The following SNX13 variants were observed in gnomAD, a reference collection of about 807,000 sequenced individuals.
SNX13 encodes sorting nexin 13, also known as sorting nexin-13.
Under a neutral mutation model 133.6 loss-of-function variants are expected in SNX13, and 45 were observed. That is an observed-to-expected ratio of 0.34 (90% CI 0.27 to 0.43). SNX13 has a LOEUF of 0.43. Ranked by LOEUF, SNX13 falls within the 20% of genes least tolerant of loss-of-function variation. The probability of loss-of-function intolerance (pLI) is 1.00; values close to 1 mark genes in which losing one functional copy is unlikely to be tolerated. For missense variants in SNX13, 1,032 were observed against 1,145.1 expected, an observed-to-expected ratio of 0.90 and a Z score of 1.43; for synonymous variants, 414 against 373.9, an observed-to-expected ratio of 1.11 and a Z score of -1.24.
intron 20 of SNX13, among the ~76,000 whole-genome samples, chr7:17,812,495 A>G (rs1449811530): frequency 2.0e-5 from 3 of 152,214 alleles, no homozygotes; most frequent in Non-Finnish European, 1.5e-5. Flanking sequence ...TCAGGAAACA[A>G]CAGATGCTGG....
chr7:17,830,202 A>G, intron 15 of SNX13, 155 bp from the exon 16 acceptor site: 1 of 973,036 alleles, frequency 1.0e-6, no homozygotes, highest in South Asian at 4.7e-5. Flanking sequence ...TACTCCCAAA[A>G]ACTTGATCCC....
intron 1 of SNX13, among the ~76,000 whole-genome samples, chr7:17,910,154 T>C (rs146413123): frequency 9.2e-5 from 14 of 152,326 alleles, no homozygotes; most frequent in Non-Finnish European, 2.1e-4. Context: ...TTCTTTTTGA[T>C]TATTTTCCTT....
chr7:17,843,937 T>G (rs143653697), intron 12 of SNX13, among the ~76,000 whole-genome samples: 1 of 151,918 alleles, frequency 6.6e-6, no homozygotes, highest in Non-Finnish European at 1.5e-5. Context: ...CACACCAAAC[T>G]AATGGGACAC....
At chr7:17,836,285 G>C (rs1451824640) in intron 13 of SNX13, among the ~76,000 whole-genome samples, 1 of 152,016 alleles carries the variant, frequency 6.6e-6, no homozygotes. Context: ...AGGAGGCTAA[G>C]GCAGGTGGAT....
At chr7:17,848,025 A>C (rs1472428854) in intron 11 of SNX13, among the ~76,000 whole-genome samples, 1 of 152,144 alleles carries the variant, frequency 6.6e-6, no homozygotes, top group Non-Finnish European at 1.5e-5. Flanking sequence ...GTCCTAAATG[A>C]GAATTTATAT....
At chr7:17,853,170 T>C (rs1391364675) in intron 9 of SNX13, among the ~76,000 whole-genome samples, 2 of 152,192 alleles carry the variant, frequency 1.3e-5, no homozygotes, top group Admixed American at 6.5e-5. Flanking sequence ...TAGGTTTCTT[T>C]TTTTTCATCA....
At chr7:17,890,074 G>T in intron 5 of SNX13, 1 of 223,382 alleles carries the variant, frequency 4.5e-6, no homozygotes, top group Non-Finnish European at 8.7e-6. Context: ...AGCAATAAGT[G>T]GGGTAACAGA....
At chr7:17,935,857 A>C (rs1801960622) in intron 1 of SNX13, among the ~76,000 whole-genome samples, 1 of 152,206 alleles carries the variant, frequency 6.6e-6, no homozygotes, top group Admixed American at 6.5e-5. Context: ...TAATTGAAGA[A>C]ATAGCTTATA....
At chr7:17,801,983 G>A (rs1446932922) in intron 21 of SNX13, among the ~76,000 whole-genome samples, 9 of 151,956 alleles carry the variant, frequency 5.9e-5, no homozygotes, top group Non-Finnish European at 1.2e-4. Flanking sequence ...GCATAATGAC[G>A]TTTTGTTCAA....
intron 20 of SNX13, among the ~76,000 whole-genome samples, chr7:17,812,966 G>A (rs934991376): frequency 6.6e-6 from 1 of 152,136 alleles, no homozygotes; most frequent in Non-Finnish European, 1.5e-5. Flanking sequence ...GGGCCTGTCA[G>A]GGGGTTGAGG....
At chr7:17,827,180 C>A (rs933136551) in intron 16 of SNX13, among the ~76,000 whole-genome samples, 1 of 152,028 alleles carries the variant, frequency 6.6e-6, no homozygotes, top group Admixed American at 6.6e-5. Flanking sequence ...TATAACCTTT[C>A]ATGATAAGAA....
At chr7:17,939,570 T>C (rs538004496) in intron 1 of SNX13, among the ~76,000 whole-genome samples, 9 of 152,288 alleles carry the variant, frequency 5.9e-5, no homozygotes, top group African/African-American at 1.4e-4. Flanking sequence ...AAAAGGGAAA[T>C]TGATTGGTTC....
intron 1 of SNX13, among the ~76,000 whole-genome samples, chr7:17,901,438 A>G (rs965120267): frequency 6.6e-6 from 1 of 152,136 alleles, no homozygotes; most frequent in Non-Finnish European, 1.5e-5. Context: ...AGGACCCCCG[A>G]GCACATTAGC....
chr7:17,924,543 A>T (rs1223290487), intron 1 of SNX13, among the ~76,000 whole-genome samples: 2 of 152,222 alleles, frequency 1.3e-5, no homozygotes, highest in African/African-American at 4.8e-5. Context: ...AGCCACTTTG[A>T]AAAATAGTTT....
rs191995493 is a variant in SNX13 at position 17,812,598 on chromosome 7, G to A, written c.2064+2236C>T. On this transcript the variant is annotated intron_variant, in intron 20 of 25. Coordinates refer to ENST00000428135, the MANE Select transcript of SNX13 (RefSeq NM_015132.5). ...GGAAGACAGTGTGGCAATTCCTCAC[G>A]GATCTAGAACCAGAAATACCATTTG... Among the ~76,000 whole-genome samples, 324 of 152,154 alleles carry A rather than the reference G, an allele frequency of 2.1e-3. 1 individual carries two copies. Among genetic ancestry groups the A allele is most frequent in the African/African-American group, 7.3e-3 (301 of 41,498 alleles).
At chr7:17,929,982 T>C (rs967919812) in intron 1 of SNX13, among the ~76,000 whole-genome samples, 2 of 152,080 alleles carry the variant, frequency 1.3e-5, no homozygotes, top group Non-Finnish European at 1.5e-5. Flanking sequence ...ACTACCTCAA[T>C]CAAAGAACAC....
In SNX13 at chr7:17,875,599, A is replaced by C; in HGVS notation, c.563-18T>G. 2.5e-6 allele frequency: 4 copies of C among 1,609,656 alleles called. No individual in the cohort carries two copies. Among genetic ancestry groups the C allele is most frequent in the Non-Finnish European group, 2.5e-6 (3 of 1,178,730 alleles). Reference sequence around the variant, plus strand: ...TGCTGTACCTAAAGAAAAACAATTCAAGATATATAAAATGATGAAAGGAAA... The same window carrying C: ...TGCTGTACCTAAAGAAAAACAATTCCAGATATATAAAATGATGAAAGGAAA... On this transcript the variant is annotated intron_variant, in intron 6 of 25. Transcript: ENST00000428135.
At chr7:17,841,633 A>G (rs967535996) in intron 12 of SNX13, among the ~76,000 whole-genome samples, 2 of 151,356 alleles carry the variant, frequency 1.3e-5, no homozygotes, top group Admixed American at 6.6e-5. Flanking sequence ...TGGCCCATTC[A>G]AAGAGGAAAA....
chr7:17,878,513 C>T (rs1216021957), intron 5 of SNX13, among the ~76,000 whole-genome samples: 2 of 152,112 alleles, frequency 1.3e-5, no homozygotes, highest in Non-Finnish European at 2.9e-5. Flanking sequence ...CAAAACAAAA[C>T]TATAAAGTGT....
Sources: gnomAD v4.1 joint callset for allele counts (sites outside exome capture counted in the v4.1 genomes callset) on GRCh38, gnomAD v4.1.1 for gene constraint, MANE v1.5 for transcripts, NCBI Gene and HGNC (gene_info 2026-07-23, HGNC 2026-07-21) for gene names.